Variants in KMT2A observed in about 807,000 individuals in gnomAD.
The protein encoded by KMT2A is lysine methyltransferase 2A, also known as histone-lysine N-methyltransferase 2A.
In KMT2A, 16 loss-of-function variants were observed where a neutral mutation model predicts 345.3. The ratio of observed to expected loss-of-function variants is 0.05; its 90% CI spans 0.03 to 0.07. The LOEUF is 0.07. Among genes scored for constraint, KMT2A ranks in the 10% least tolerant of loss-of-function variants. The pLI, the probability that KMT2A is intolerant of heterozygous loss-of-function variation, is 1.00. For missense variants in KMT2A, 3,272 were observed against 4,841.6 expected (o/e 0.68, Z 9.62); for synonymous variants, 1,599 against 1,778.6 (o/e 0.90, Z 2.54).
chr11:118,512,978 C>A (rs1296294233), intron 31 of KMT2A, among the ~76,000 whole-genome samples: 3 of 152,158 alleles, frequency 2.0e-5, no homozygotes, highest in Admixed American at 6.6e-5. Flanking sequence ...GTGGCTCACA[C>A]CTGTAATCCC....
rs782809939 is a variant in KMT2A, at chr11:118,503,617, A to G, written c.7725A>G (p.Gln2575=). The change falls in exon 27 of 36, where the codon CAA becomes CAG. Residue 2575 remains glutamine (Q), a synonymous_variant. Coordinates refer to ENST00000534358, the MANE Select transcript of KMT2A (RefSeq NM_001197104.2). The surrounding 1 kb of genome is among the most constrained non-coding windows in gnomAD (Gnocchi z 5.3). ...SENPGDGPVA[Q]PSPNNTSCQD... ...ATCCAGGAGATGGTCCAGTGGCCCA[A>G]CCAAGCCCCAATAATACCTCATGCC... 4.3e-6 allele frequency: 7 copies of G among 1,614,234 alleles called. No homozygotes were observed. Among genetic ancestry groups the G allele is most frequent in the South Asian group, 2.2e-5 (2 of 91,090 alleles).
rs371413016 is a variant in KMT2A, at chr11:118,498,071, C to T, written c.5800C>T (p.Leu1934=). The change falls in exon 21 of 36, where the codon CTG becomes TTG. Residue 1934 remains leucine (L), a splice_region_variant and synonymous_variant. Transcript: ENST00000534358. This position sits in a 1 kb window ranked among gnomAD's most constrained non-coding sequence, Gnocchi z 4.4. ...VHMAVIRGKQ[L]RCEFCQKPGA... ...TATGGCTGTGATCAGGGGCAAGCAG[C>T]TGGTAAGACCTTATGGGTAAATTTT... The T allele has an allele frequency of 1.1e-5, 18 of 1,613,160 alleles. No individual in the cohort carries two copies. Among genetic ancestry groups the T allele is most frequent in the Non-Finnish European group, 1.5e-5 (18 of 1,179,716 alleles).
chr11:118,466,748 G>A (rs551826161), intron 1 of KMT2A, among the ~76,000 whole-genome samples: 184 of 152,218 alleles, frequency 1.2e-3, no homozygotes, highest in African/African-American at 4.3e-3. Flanking sequence ...CTGGGAGGCT[G>A]AGGTGGCGCC....
At chr11:118,479,906 CT>C (rs1315368448) in intron 5 of KMT2A, among the ~76,000 whole-genome samples, 2 of 152,072 alleles carry the variant, frequency 1.3e-5, no homozygotes, top group Non-Finnish European at 2.9e-5. Flanking sequence ...CTGTGTGGTG[CT>C]AGTCAGTGTT....
At chr11:118,461,643 A>G (rs1284151537) in intron 1 of KMT2A, among the ~76,000 whole-genome samples, 11 of 152,200 alleles carry the variant, frequency 7.2e-5, no homozygotes, top group South Asian at 4.1e-4. Flanking sequence ...GCCTGAGCCC[A>G]GTTCCCAGGA....
chr11:118,443,130 T>C (rs1949347290), intron 1 of KMT2A, among the ~76,000 whole-genome samples: 1 of 152,180 alleles, frequency 6.6e-6, no homozygotes, highest in South Asian at 2.1e-4. Context: ...AATTCTCTAA[T>C]TGCTGGCATT....
Position 118,522,143 on chromosome 11 carries a change from G to T in KMT2A, c.11890G>T (p.Ala3964Ser), listed in dbSNP as rs781866935. 1 of 1,614,098 alleles carries T rather than the reference G, an allele frequency of 6.2e-7. No individual in the cohort carries two copies. The highest frequency in any genetic ancestry group is 8.5e-7 in the Non-Finnish European group (1 of 1,179,954). ...CAACAAGCTGCCCTGCAACTGTGGC[G>T]CCAAGAAATGCCGGAAGTTCCTAAA... ...ASNKLPCNCG[A>S]KKCRKFLN The change falls in exon 36 of 36, where the codon GCC (alanine) becomes TCC (serine). Residue 3964 changes from alanine to serine, a missense_variant. Around this residue, in one of 27 missense-constraint regions of KMT2A, gnomAD observed 78 missense variants for 254.5 expected, o/e 0.31. Transcript: ENST00000534358. The surrounding 1 kb of genome is among the most constrained non-coding windows in gnomAD (Gnocchi z 5.4).
chr11:118,524,741 A>G lies in KMT2A; in HGVS notation c.*2569A>G, dbSNP rs1398057412. ...AAAAAAACCTTAAGCTGCATTTGTT[A>G]CTGAAATGATTAATGCACTGATGGG... On this transcript the variant is annotated 3_prime_UTR_variant, in exon 36 of 36. Coordinates refer to ENST00000534358, the MANE Select transcript of KMT2A (RefSeq NM_001197104.2). The G allele has an allele frequency of 5.6e-6, 1 of 179,180 alleles. No individual in the cohort carries two copies. The highest frequency in any genetic ancestry group is 1.2e-5 in the Non-Finnish European group (1 of 83,816). 11.1% of individuals were successfully genotyped at this position (179,180 alleles called of 1,614,324 possible). A position where few individuals can be genotyped will look rare whatever the true frequency, so the allele number is the denominator to read the frequency against.
At chr11:118,439,724 C>T (rs1216783650) in intron 1 of KMT2A, among the ~76,000 whole-genome samples, 2 of 152,154 alleles carry the variant, frequency 1.3e-5, no homozygotes, top group Non-Finnish European at 2.9e-5. Context: ...TTTTCCTGAA[C>T]AGTAGTTGCT....
At chr11:118,441,975 G>A (rs1223687916) in intron 1 of KMT2A, among the ~76,000 whole-genome samples, 1 of 152,162 alleles carries the variant, frequency 6.6e-6, no homozygotes, top group Non-Finnish European at 1.5e-5. Flanking sequence ...TGGCTAGAGG[G>A]GGTGGCAACA....
In KMT2A at chr11:118,506,549, G is replaced by A. The variant is rs782293850; in HGVS notation, c.10657G>A (p.Gly3553Arg). The A allele has an allele frequency of 2.7e-5, 43 of 1,614,076 alleles. 1 individual carries two copies. In the Admixed American group the frequency reaches 5.7e-4, roughly 21 times the overall value. ...TKRFQLPLDK[G>R]NGKKHKVSHL... ...ACGGTTTCAGCTGCCTCTAGACAAA[G>A]GGAATGGCAAGAAGCACAAAGTTTC... Residue 3553 changes from glycine (G) to arginine (R), a missense_variant, in exon 27 of 36, where the codon GGG becomes AGG. Gly to Arg is a moderately radical substitution (Grantham distance 125, BLOSUM62 -2). This residue lies in a region of KMT2A where 748 missense variants were observed against 922.2 expected (regional missense o/e 0.81). Coordinates refer to ENST00000534358, the MANE Select transcript of KMT2A (RefSeq NM_001197104.2).
intron 31 of KMT2A, among the ~76,000 whole-genome samples, chr11:118,515,747 G>A (rs929323192): frequency 3.7e-5 from 5 of 134,642 alleles, no homozygotes; most frequent in African/African-American, 5.7e-5. Flanking sequence ...AGTGTGTAGT[G>A]GTGCAATCTT....
rs1334054463 is a variant in KMT2A, at chr11:118,503,576, A to G, written c.7684A>G (p.Ile2562Val). The change falls in exon 27 of 36, where the codon ATT (isoleucine) becomes GTT (valine). Residue 2562 changes from isoleucine to valine, a missense_variant. Coordinates refer to ENST00000534358, the MANE Select transcript of KMT2A (RefSeq NM_001197104.2). The surrounding 1 kb of genome is among the most constrained non-coding windows in gnomAD (Gnocchi z 5.3). ...AGAGTCAACATCTCCCACAGAACCA[A>G]TTTCAGCCTCTGAAAATCCAGGAGA... ...QIESTSPTEP[I>V]SASENPGDGP... is the part of the protein sequence containing the mutation. 3.7e-6 allele frequency: 6 copies of G among 1,614,006 alleles called. No homozygotes were observed. Among genetic ancestry groups the G allele is most frequent in the African/African-American group, 2.7e-5 (2 of 74,904 alleles).
Position 118,498,180 on chromosome 11 carries a change from G to T in KMT2A, c.5802+107G>T. 1.5e-6 allele frequency: 2 copies of T among 1,295,442 alleles called. No individual in the cohort carries two copies. Among genetic ancestry groups the T allele is most frequent in the Non-Finnish European group, 1.1e-6 (1 of 921,990 alleles). The allele number at this position is 1,295,442 out of a possible 1,614,324, so 80.2% of individuals were successfully genotyped here. On this transcript the variant is annotated intron_variant, in intron 21 of 35. Transcript: ENST00000534358. This position sits in a 1 kb window ranked among gnomAD's most constrained non-coding sequence, Gnocchi z 4.4. Reference sequence around the variant, plus strand: ...CTGATATTTTTCACAGTGCCATCAGGGTAGTTAGCCAACAAGTATTGATAT... The same window carrying T: ...CTGATATTTTTCACAGTGCCATCAGTGTAGTTAGCCAACAAGTATTGATAT...
In KMT2A at chr11:118,503,952, T is replaced by C; in HGVS notation, c.8060T>C (p.Phe2687Ser). ...GAAGACGACTTATACTATTACAACTTCACTAGAACAGTGATTTCTTCAGGT... is the reference window on the plus strand; with the variant it reads ...GAAGACGACTTATACTATTACAACTCCACTAGAACAGTGATTTCTTCAGGT... ...SDEDDLYYYN[F>S]TRTVISSGGE... is the part of the protein sequence containing the mutation. Residue 2687 changes from phenylalanine (F) to serine (S), a missense_variant, in exon 27 of 36, where the codon TTC becomes TCC. This residue lies in a region of KMT2A where 47 missense variants were observed against 53.6 expected (regional missense o/e 0.88). Coordinates refer to ENST00000534358, the MANE Select transcript of KMT2A (RefSeq NM_001197104.2). The surrounding 1 kb of genome is among the most constrained non-coding windows in gnomAD (Gnocchi z 5.3). 1 of 1,614,172 alleles carries C rather than the reference T, an allele frequency of 6.2e-7. No individual in the cohort carries two copies. The highest frequency in any genetic ancestry group is 8.5e-7 in the Non-Finnish European group (1 of 1,180,028).
Position 118,520,585 on chromosome 11 carries a change from A to G in KMT2A, c.11430-217A>G. On this transcript the variant is annotated intron_variant, in intron 33 of 35. Transcript: ENST00000534358. This position sits in a 1 kb window ranked among gnomAD's most constrained non-coding sequence, Gnocchi z 4.3. Reference sequence around the variant, plus strand: ...AGAATCGCTTGAACCCAGGAGGCGGAGGTTACAGTGAGCCGAGATCGCACC... The same window carrying G: ...AGAATCGCTTGAACCCAGGAGGCGGGGGTTACAGTGAGCCGAGATCGCACC... 1 of 535,210 alleles carries G rather than the reference A, an allele frequency of 1.9e-6. No homozygotes were observed. The highest frequency in any genetic ancestry group is 3.4e-6 in the Non-Finnish European group (1 of 295,578). 33.2% of individuals were successfully genotyped at this position (535,210 alleles called of 1,614,324 possible). A position where few individuals can be genotyped will look rare whatever the true frequency, so the allele number is the denominator to read the frequency against.
Position 118,458,256 on chromosome 11 carries a change from A to AT in KMT2A, c.433-10513dup, listed in dbSNP as rs1421402172. On this transcript the variant is annotated intron_variant, in intron 1 of 35. Coordinates refer to ENST00000534358, the MANE Select transcript of KMT2A (RefSeq NM_001197104.2). ...CCACCACACCCAGTTAATTTTTTCT[A>AT]TTTTTTATAGAAAGAGGGTTTCACT... The AT allele has an allele frequency of 3.3e-5, 9 of 275,296 alleles. 1 individual carries two copies. Among genetic ancestry groups the AT allele is most frequent in the South Asian group, 1.8e-4 (6 of 34,184 alleles). 17.1% of individuals were successfully genotyped at this position (275,296 alleles called of 1,614,324 possible).
chr11:118,515,582 C>T (rs1565313874), intron 31 of KMT2A, among the ~76,000 whole-genome samples: 1 of 151,896 alleles, frequency 6.6e-6, no homozygotes, highest in East Asian at 1.9e-4. Flanking sequence ...CCCACAATAA[C>T]ATTCAGTCAT....
chr11:118,491,387 T>C lies in KMT2A; in HGVS notation c.4819+69T>C. 6.9e-7 allele frequency: 1 copy of C among 1,447,124 alleles called. No homozygotes were observed. Among genetic ancestry groups the C allele is most frequent in the Non-Finnish European group, 9.4e-7 (1 of 1,064,626 alleles). 89.6% of individuals were successfully genotyped at this position (1,447,124 alleles called of 1,614,324 possible). On this transcript the variant is annotated intron_variant, in intron 14 of 35. Transcript: ENST00000534358. This position sits in a 1 kb window ranked among gnomAD's most constrained non-coding sequence, Gnocchi z 4.2. ...TACATTTATTAGCCTCTAGAGCACT[T>C]TAAACCTAAAATTATGGTTGTGTTG...
Sources: gnomAD v4.1 joint callset for allele counts (sites outside exome capture counted in the v4.1 genomes callset) on GRCh38, gnomAD v4.1.1 for gene constraint, gnomAD v4.1.1 regional missense constraint, Gnocchi (gnomAD v3.1) non-coding constraint, MANE v1.5 for transcripts, NCBI Gene and HGNC (gene_info 2026-07-23, HGNC 2026-07-21) for gene names.